The following TMEM39B variants were observed in gnomAD, a reference collection of about 807,000 sequenced individuals.
TMEM39B encodes transmembrane protein 39B.
In TMEM39B, 23 loss-of-function variants were observed where a neutral mutation model predicts 52.2. That is an observed-to-expected ratio of 0.44 (90% confidence interval 0.32 to 0.62). The LOEUF is 0.62. Ranked by LOEUF, TMEM39B falls within the 20% of genes least tolerant of loss-of-function variation. The pLI is 0.06. For synonymous variants in TMEM39B, 285 were observed against 264.0 expected (o/e 1.08, Z -0.77); for missense variants, 547 against 642.0 (o/e 0.85, Z 1.60).
intron 5 of TMEM39B, among the ~76,000 whole-genome samples, chr1:32,088,544 C>T (rs1344762098): frequency 6.6e-6 from 1 of 150,732 alleles, no homozygotes; most frequent in African/African-American, 2.4e-5. Context: ...ATCATTTGTG[C>T]ACTGATGACC....
intron 5 of TMEM39B, among the ~76,000 whole-genome samples, chr1:32,090,450 T>C (rs1167550083): frequency 2.0e-5 from 3 of 151,970 alleles, no homozygotes; most frequent in East Asian, 3.9e-4. Flanking sequence ...ATACCTCTCT[T>C]GTGCGTGTAT....
chr1:32,094,288 G>A (rs1160475511), intron 6 of TMEM39B, among the ~76,000 whole-genome samples: 2 of 151,262 alleles, frequency 1.3e-5, no homozygotes, highest in East Asian at 1.9e-4. Context: ...CACCACGCCC[G>A]GCTAATTTTT....
chr1:32,091,657 C>A lies in TMEM39B; in HGVS notation c.591-18C>A. ...GGCCCATGGGCAGGCCTTCCCTCAC[C>A]ACCGTCTTCCCCAGCAGGTTTGGGA... On this transcript the variant is annotated intron_variant, in intron 5 of 8. Coordinates refer to ENST00000336294, the MANE Select transcript of TMEM39B (RefSeq NM_018056.4). 6.4e-7 allele frequency: 1 copy of A among 1,568,474 alleles called. No individual in the cohort carries two copies. Among genetic ancestry groups the A allele is most frequent in the South Asian group, 1.2e-5 (1 of 83,044 alleles).
intron 7 of TMEM39B, among the ~76,000 whole-genome samples, chr1:32,096,810 CT>C (rs58321062): frequency 1.8e-3 from 248 of 140,604 alleles, no homozygotes; most frequent in Non-Finnish European, 1.9e-3. Context: ...ATGTGCAATC[CT>C]TTTTTTTTTT....
intron 5 of TMEM39B, among the ~76,000 whole-genome samples, chr1:32,085,886 T>C (rs563110140): frequency 6.6e-6 from 1 of 152,170 alleles, no homozygotes; most frequent in Non-Finnish European, 1.5e-5. Flanking sequence ...AATGAAGGAC[T>C]GAGTAGCAGG....
intron 7 of TMEM39B, among the ~76,000 whole-genome samples, chr1:32,097,480 G>A (rs1024528372): frequency 3.3e-5 from 5 of 151,438 alleles, no homozygotes; most frequent in Non-Finnish European, 5.9e-5. Flanking sequence ...ACAGGCGTGC[G>A]CCACCATGCC....
chr1:32,091,879 C>CCTGT lies in TMEM39B; in HGVS notation c.797_800dup (p.Pro268ValfsTer8). The CCTGT allele has an allele frequency of 6.2e-7, 1 of 1,614,226 alleles. No individual in the cohort carries two copies. Among genetic ancestry groups the CCTGT allele is most frequent in the South Asian group, 1.1e-5 (1 of 91,090 alleles). ...ACGCCATGCCCACCCATGCCTGCTG[C>CCTGT]CTGTCACCCAGCCTCATCCGCAGTG... is the stretch of plus-strand genomic sequence containing the variant. On this transcript the variant is annotated frameshift_variant, in exon 6 of 9. Coordinates refer to ENST00000336294, the MANE Select transcript of TMEM39B (RefSeq NM_018056.4). LOFTEE classifies it high-confidence loss of function.
chr1:32,077,710 C>T (rs1211088572), intron 5 of TMEM39B, among the ~76,000 whole-genome samples: 2 of 152,136 alleles, frequency 1.3e-5, no homozygotes, highest in Non-Finnish European at 2.9e-5. Flanking sequence ...TGGTATCTCC[C>T]TGAGTCTGTG....
In TMEM39B at chr1:32,075,828, T is replaced by TACCC; in HGVS notation, c.351+8_351+11dup. ...CACCCTCCCACACCTCCCTGGTAGG[T>TACCC]ACCCAACAAGGGTGTGTGTGTGTGT... is the stretch of plus-strand genomic sequence containing the variant. On this transcript the variant is annotated splice_region_variant and intron_variant, in intron 3 of 8. Transcript: ENST00000336294. 7.0e-7 allele frequency: 1 copy of TACCC among 1,425,000 alleles called. No homozygotes were observed. Among genetic ancestry groups the TACCC allele is most frequent in the Non-Finnish European group, 9.5e-7 (1 of 1,053,962 alleles). The allele number at this position is 1,425,000 out of a possible 1,614,324, so 88.3% of individuals were successfully genotyped here.
chr1:32,091,968 T>G lies in TMEM39B; in HGVS notation c.884T>G (p.Leu295Arg). 6.2e-7 allele frequency: 1 copy of G among 1,614,192 alleles called. No individual in the cohort carries two copies. Among genetic ancestry groups the G allele is most frequent in the Non-Finnish European group, 8.5e-7 (1 of 1,180,022 alleles). Residue 295 changes from leucine to arginine, a missense_variant, in exon 6 of 9, where the codon CTG becomes CGG. Coordinates refer to ENST00000336294, the MANE Select transcript of TMEM39B (RefSeq NM_018056.4). ...AAGGAAGTGCTCGTCAGCTCCATGC[T>G]GAGCGCCTACTATGTGGCCTTTGTG... ...RMKEVLVSSMLSAYYVAFVPV... is the reference protein window; with the variant it reads ...RMKEVLVSSMRSAYYVAFVPV...
intron 5 of TMEM39B, among the ~76,000 whole-genome samples, chr1:32,083,382 C>T (rs1394360092): frequency 4.8e-5 from 7 of 145,236 alleles, no homozygotes; most frequent in South Asian, 2.2e-4. Context: ...CACGCCTGGC[C>T]GGCAGGAACA....
rs1557909931 is a variant in TMEM39B at position 32,075,865 on chromosome 1, CGTGTGTGTGTATGTGTGTGTGT to C, written c.351+46_351+67del. 6.0e-6 allele frequency: 5 copies of C among 828,346 alleles called. No individual in the cohort carries two copies. The South Asian group carries it at 1.0e-4, about 17-fold the overall frequency. 51.3% of individuals were successfully genotyped at this position (828,346 alleles called of 1,614,324 possible). ...GTGTGTGTGTGTGTGTGTGTGTGTGCGTGTGTGTGTATGTGTGTGTGTGTTTCTTTTGGTTTCAGTTTAGCAT... is the reference window on the plus strand; with the variant it reads ...GTGTGTGTGTGTGTGTGTGTGTGTGCGTTTCTTTTGGTTTCAGTTTAGCAT... On this transcript the variant is annotated intron_variant, in intron 3 of 8. Coordinates refer to ENST00000336294, the MANE Select transcript of TMEM39B (RefSeq NM_018056.4).
At chr1:32,097,328 T>A (rs907162801) in intron 7 of TMEM39B, among the ~76,000 whole-genome samples, 2 of 151,262 alleles carry the variant, frequency 1.3e-5, no homozygotes, top group Non-Finnish European at 1.5e-5. Flanking sequence ...CGTGTCCAAC[T>A]TCTTCTTTTT....
chr1:32,092,569 C>T (rs1176161198), intron 6 of TMEM39B, among the ~76,000 whole-genome samples: 1 of 152,140 alleles, frequency 6.6e-6, no homozygotes, highest in African/African-American at 2.4e-5. Context: ...CGGCTTACTG[C>T]AACCTCCACC....
chr1:32,095,320 C>G (rs988186284), intron 7 of TMEM39B, among the ~76,000 whole-genome samples: 2 of 152,228 alleles, frequency 1.3e-5, no homozygotes, highest in Admixed American at 1.3e-4. Context: ...CCTACTCTTT[C>G]AGCAGACATT....
intron 5 of TMEM39B, among the ~76,000 whole-genome samples, chr1:32,089,243 A>T (rs1421047353): frequency 6.7e-6 from 1 of 148,516 alleles, no homozygotes; most frequent in East Asian, 2.0e-4. Context: ...GGATCAGGTG[A>T]TCTTCCCACC....
At chr1:32,088,472 C>G (rs986855354) in intron 5 of TMEM39B, among the ~76,000 whole-genome samples, 1 of 151,806 alleles carries the variant, frequency 6.6e-6, no homozygotes, top group Non-Finnish European at 1.5e-5. Flanking sequence ...AAGCGATGCT[C>G]TAGACCATGA....
At chr1:32,101,308 C>T (rs755439651) in intron 8 of TMEM39B, among the ~76,000 whole-genome samples, 3 of 152,040 alleles carry the variant, frequency 2.0e-5, no homozygotes, top group African/African-American at 4.8e-5. Context: ...TTAAAGGGTG[C>T]CTTCTTGGGA....
intron 8 of TMEM39B, among the ~76,000 whole-genome samples, chr1:32,101,253 ATC>A (rs1280117577): frequency 3.3e-5 from 5 of 152,120 alleles, no homozygotes; most frequent in African/African-American, 9.7e-5. Flanking sequence ...TGCTAGGGTT[ATC>A]TCTGTTTTTA....
Sources: gnomAD v4.1 joint callset for allele counts (sites outside exome capture counted in the v4.1 genomes callset) on GRCh38, gnomAD v4.1.1 for gene constraint, MANE v1.5 for transcripts, NCBI Gene and HGNC (gene_info 2026-07-23, HGNC 2026-07-21) for gene names.